The following ARSG variants were observed in gnomAD, a reference collection of about 807,000 sequenced individuals.
The protein encoded by ARSG is arylsulfatase G, also known as ASG.
A neutral mutation model predicts 50.5 loss-of-function variants in ARSG; 37 were observed. The observed-to-expected ratio is 0.73, with a 90% CI of 0.56 to 0.96. The LOEUF (loss-of-function observed/expected upper bound fraction) is 0.96, where lower values mean the gene tolerates loss of function less well. Among genes scored for constraint, ARSG ranks in the 50% least tolerant of loss-of-function variants. ARSG has a pLI of 0.00. For missense variants in ARSG, 629 were observed against 675.3 expected, an observed-to-expected ratio of 0.93 and a Z score of 0.76; for synonymous variants, 225 against 254.6, an observed-to-expected ratio of 0.88 and a Z score of 1.11.
intron 2 of ARSG, among the ~76,000 whole-genome samples, chr17:68,326,340 G>A (rs1201583595): frequency 5.3e-5 from 8 of 152,176 alleles, no homozygotes; most frequent in African/African-American, 1.9e-4. Context: ...CACAAAAAGG[G>A]CCTGAGGCCA....
chr17:68,303,636 G>A (rs1242400602), intron 1 of ARSG, among the ~76,000 whole-genome samples: 1 of 152,018 alleles, frequency 6.6e-6, no homozygotes, highest in Non-Finnish European at 1.5e-5. Context: ...TTTTAGTAGA[G>A]ATGGGGCTTC....
chr17:68,274,434 C>A, intron 1 of ARSG: 1 of 172,172 alleles, frequency 5.8e-6, no homozygotes. Context: ...CCACTGCACT[C>A]CATACTGGGT....
intron 1 of ARSG, among the ~76,000 whole-genome samples, chr17:68,263,303 T>C (rs2144847300): frequency 2.0e-5 from 3 of 152,322 alleles, no homozygotes; most frequent in Non-Finnish European, 4.4e-5. Context: ...CTGGCCCAGC[T>C]GTACGCTACG....
chr17:68,439,068 CGTT>C, the ARSG span, among the ~76,000 whole-genome samples: 6 of 152,156 alleles, frequency 3.9e-5, no homozygotes, highest in Non-Finnish European at 5.9e-5. Flanking sequence ...TGCTCTGGAA[CGTT>C]TAGCAGTTCT....
At chr17:68,263,854 T>G (rs2075111309) in intron 1 of ARSG, among the ~76,000 whole-genome samples, 1 of 152,154 alleles carries the variant, frequency 6.6e-6, no homozygotes, top group Admixed American at 6.6e-5. Flanking sequence ...TCTTTTTTAT[T>G]TTTTCTTAAT....
At chr17:68,265,023 A>C (rs1214937558) in intron 1 of ARSG, among the ~76,000 whole-genome samples, 5 of 148,896 alleles carry the variant, frequency 3.4e-5, no homozygotes, top group African/African-American at 1.2e-4. Flanking sequence ...GCGTGGTGGC[A>C]CATGCCTGTA....
intron 6 of ARSG, among the ~76,000 whole-genome samples, chr17:68,364,257 A>G (rs111725072): frequency 2.6e-5 from 4 of 151,822 alleles, no homozygotes; most frequent in African/African-American, 9.7e-5. Context: ...TTGTTTTCCC[A>G]CAAAAATAGC....
chr17:68,388,113 G>A (rs1205796794), intron 9 of ARSG, among the ~76,000 whole-genome samples: 1 of 152,212 alleles, frequency 6.6e-6, no homozygotes, highest in African/African-American at 2.4e-5. Flanking sequence ...AGGGACTGGG[G>A]AGATGGCAGT....
chr17:68,290,969 G>A (rs926692038), upstream of ARSG: 5 of 152,042 alleles, frequency 3.3e-5, no homozygotes, highest in Non-Finnish European at 5.9e-5. Context: ...ATGTGAAGAT[G>A]TTCAGTGGTC....
At chr17:68,353,867 G>A (rs1173394162) in intron 5 of ARSG, among the ~76,000 whole-genome samples, 2 of 151,688 alleles carry the variant, frequency 1.3e-5, no homozygotes, top group Non-Finnish European at 2.9e-5. Flanking sequence ...ATGCCTGGCT[G>A]AGTTTTGTAT....
chr17:68,271,537 G>A lies in ARSG; in HGVS notation c.-552+12111G>A. On this transcript the variant is annotated intron_variant, in intron 1 of 11. Transcript: ENST00000448504. This position sits in a 1 kb window ranked among gnomAD's most constrained non-coding sequence, Gnocchi z 5.3. ...CTGGATGACTATTTTCGGTGACGCTGGTCCTCTGATAAAGATGGGTCTGAG... is the reference window on the plus strand; with the variant it reads ...CTGGATGACTATTTTCGGTGACGCTAGTCCTCTGATAAAGATGGGTCTGAG... 1 of 1,614,158 alleles carries A rather than the reference G, an allele frequency of 6.2e-7. No homozygotes were observed. The highest frequency in any genetic ancestry group is 1.3e-5 in the African/African-American group (1 of 75,050).
chr17:68,282,280 C>T (rs531781149), intron 1 of ARSG, among the ~76,000 whole-genome samples: 1 of 151,870 alleles, frequency 6.6e-6, no homozygotes, highest in Admixed American at 6.6e-5. Flanking sequence ...CACGTTCTCA[C>T]TCATAGGTGG....
intron 2 of ARSG, among the ~76,000 whole-genome samples, chr17:68,339,793 G>A (rs768157351): frequency 6.6e-6 from 1 of 152,184 alleles, no homozygotes; most frequent in Non-Finnish European, 1.5e-5. Context: ...CCCATCAGGA[G>A]ATGTACGAGG....
intron 2 of ARSG, 102 bp downstream of exon 2, chr17:68,307,813 C>A: frequency 1.5e-6 from 1 of 661,298 alleles, no homozygotes. Flanking sequence ...ATTGATGGAC[C>A]CATGCTGATT....
chr17:68,358,593 G>A (rs969598260), intron 6 of ARSG, among the ~76,000 whole-genome samples: 1 of 151,984 alleles, frequency 6.6e-6, no homozygotes, highest in Admixed American at 6.6e-5. Flanking sequence ...GGAGGCTGAG[G>A]TAGGAGAATC....
chr17:68,416,791 A>T (rs2082393821), intron 11 of ARSG, among the ~76,000 whole-genome samples: 1 of 59,236 alleles, frequency 1.7e-5, no homozygotes, highest in Non-Finnish European at 5.4e-5. Flanking sequence ...TTGCATTACT[A>T]GAAGTATGTC....
chr17:68,315,798 A>G (rs2077048045), intron 2 of ARSG, among the ~76,000 whole-genome samples: 1 of 151,948 alleles, frequency 6.6e-6, no homozygotes, highest in Non-Finnish European at 1.5e-5. Flanking sequence ...ATACCTGGCT[A>G]ATTTTTGTAT....
At chr17:68,441,440 C>T in the ARSG span, among the ~76,000 whole-genome samples, 1 of 152,162 alleles carries the variant, frequency 6.6e-6, no homozygotes, top group African/African-American at 2.4e-5. Flanking sequence ...CCTTCTGTAC[C>T]CAGCAAGGAT....
chr17:68,296,124 C>A (rs1263269609), intron 1 of ARSG, among the ~76,000 whole-genome samples: 1 of 152,186 alleles, frequency 6.6e-6, no homozygotes, highest in Non-Finnish European at 1.5e-5. Context: ...AATCACATTA[C>A]ATTTAGGAGT....
Sources: gnomAD v4.1 joint callset for allele counts (sites outside exome capture counted in the v4.1 genomes callset) on GRCh38, gnomAD v4.1.1 for gene constraint, Gnocchi (gnomAD v3.1) non-coding constraint, MANE v1.5 for transcripts, NCBI Gene and HGNC (gene_info 2026-07-23, HGNC 2026-07-21) for gene names.